PRKN: variants seen among roughly 807,000 people sequenced by gnomAD.
PRKN encodes the protein E3 ubiquitin-protein ligase parkin.
Under a neutral mutation model 59.5 loss-of-function variants are expected in PRKN, and 56 were observed. That is an observed-to-expected ratio of 0.94 (90% CI 0.76 to 1.18). The LOEUF (loss-of-function observed/expected upper bound fraction) is 1.18, where lower values mean the gene tolerates loss of function less well. Among genes scored for constraint, PRKN ranks in the 50% most tolerant of loss-of-function variants. PRKN has a pLI of 0.00. For synonymous variants in PRKN, 250 were observed against 222.1 expected (o/e 1.13, Z -1.12); for missense variants, 657 against 596.4 (o/e 1.10, Z -1.06).
intron 1 of PRKN, among the ~76,000 whole-genome samples, chr6:162,714,857 T>C (rs2128239353): frequency 6.6e-6 from 1 of 152,298 alleles, no homozygotes; most frequent in Non-Finnish European, 1.5e-5. Context: ...GAGTAACCAC[T>C]TTTAAAAATC....
intron 6 of PRKN, among the ~76,000 whole-genome samples, chr6:161,824,616 C>T (rs1792165418): frequency 6.6e-6 from 1 of 152,162 alleles, no homozygotes; most frequent in Non-Finnish European, 1.5e-5. Context: ...AAATAGTACA[C>T]AAATTGCCAC....
intron 6 of PRKN, among the ~76,000 whole-genome samples, chr6:161,874,287 T>TATAAAA (rs796579223): frequency 1.9e-4 from 3 of 16,186 alleles, no homozygotes; most frequent in Non-Finnish European, 2.4e-4. Context: ...ATATTATATA[T>TATAAAA]TATATATTAC....
intron 9 of PRKN, among the ~76,000 whole-genome samples, chr6:161,521,062 C>T (rs951619283): frequency 3.3e-5 from 5 of 152,086 alleles, no homozygotes; most frequent in Admixed American, 1.3e-4. Flanking sequence ...TTATTAATCC[C>T]GGGTCTTAAA....
intron 2 of PRKN, among the ~76,000 whole-genome samples, chr6:162,380,396 G>A (rs1160901310): frequency 2.7e-5 from 2 of 74,406 alleles, no homozygotes; most frequent in African/African-American, 1.6e-4. Context: ...ATAGTTTAAA[G>A]CTATATATAT....
At chr6:161,874,949 G>T (rs140942082) in intron 6 of PRKN, among the ~76,000 whole-genome samples, 19,782 of 79,824 alleles carry the variant, frequency 0.25, 2,631 homozygotes, top group African/African-American at 0.41. Flanking sequence ...ATATATTATA[G>T]GTACTTTATA....
chr6:161,500,298 G>A (rs946495592), intron 9 of PRKN, among the ~76,000 whole-genome samples: 4 of 152,000 alleles, frequency 2.6e-5, no homozygotes, highest in Admixed American at 2.0e-4. Context: ...AATGCAAAAT[G>A]TACATTGACA....
chr6:161,831,953 C>G (rs1562323971), intron 6 of PRKN, among the ~76,000 whole-genome samples: 2 of 152,210 alleles, frequency 1.3e-5, no homozygotes, highest in African/African-American at 4.8e-5. Flanking sequence ...CCTCTTGGGA[C>G]TCCCTCAGGA....
chr6:161,383,501 T>C (rs1327226383), intron 10 of PRKN, among the ~76,000 whole-genome samples: 1 of 152,170 alleles, frequency 6.6e-6, no homozygotes, highest in African/African-American at 2.4e-5. Context: ...TGGGAGACAT[T>C]AGCAAGAGAT....
intron 2 of PRKN, among the ~76,000 whole-genome samples, chr6:162,294,082 G>A (rs1385437436): frequency 6.7e-6 from 1 of 150,056 alleles, no homozygotes; most frequent in African/African-American, 2.5e-5. Flanking sequence ...GAGATCAGAA[G>A]GGGCCATGCA....
chr6:161,664,656 A>AT (rs1413109697), intron 7 of PRKN, among the ~76,000 whole-genome samples: 15 of 152,164 alleles, frequency 9.9e-5, no homozygotes, highest in Admixed American at 9.2e-4. Flanking sequence ...TGGCAGATGG[A>AT]TTTTTTTCCA....
intron 1 of PRKN, among the ~76,000 whole-genome samples, chr6:162,476,756 C>A (rs1792040915): frequency 6.6e-6 from 1 of 152,146 alleles, no homozygotes; most frequent in South Asian, 2.1e-4. Flanking sequence ...ATTCTATCGT[C>A]ATCATTCATG....
intron 1 of PRKN, among the ~76,000 whole-genome samples, chr6:162,678,838 G>A (rs561360857): frequency 2.7e-3 from 406 of 152,204 alleles, no homozygotes; most frequent in African/African-American, 9.2e-3. Flanking sequence ...GCAGTGGTGC[G>A]ATCTTGGCTC....
At chr6:162,187,520 C>G (rs556453452) in intron 4 of PRKN, among the ~76,000 whole-genome samples, 2 of 152,190 alleles carry the variant, frequency 1.3e-5, no homozygotes, top group East Asian at 3.9e-4. Context: ...AGGATGCCCC[C>G]CACCCCAATA....
intron 4 of PRKN, among the ~76,000 whole-genome samples, chr6:162,084,216 A>T (rs112372215): frequency 1.8e-4 from 28 of 152,300 alleles, no homozygotes; most frequent in African/African-American, 6.5e-4. Flanking sequence ...CATTAAAAGC[A>T]ATAGCAAAAC....
intron 1 of PRKN, among the ~76,000 whole-genome samples, chr6:162,673,526 C>T (rs1047685672): frequency 6.6e-6 from 1 of 152,172 alleles, no homozygotes; most frequent in African/African-American, 2.4e-5. Context: ...GTTGGAACTA[C>T]AGGCGCACAC....
chr6:161,989,207 A>G (rs1781551131), intron 5 of PRKN, among the ~76,000 whole-genome samples: 1 of 152,244 alleles, frequency 6.6e-6, no homozygotes, highest in Non-Finnish European at 1.5e-5. Context: ...TGTGAAGATT[A>G]TGATATCCTG....
intron 1 of PRKN, among the ~76,000 whole-genome samples, chr6:162,634,600 G>A (rs551203520): frequency 1.3e-5 from 2 of 152,286 alleles, no homozygotes; most frequent in East Asian, 3.9e-4. Flanking sequence ...TGGCTGACAC[G>A]AGAAGAGTGA....
chr6:162,188,113 A>G (rs1258723726), intron 4 of PRKN, among the ~76,000 whole-genome samples: 3 of 152,138 alleles, frequency 2.0e-5, no homozygotes, highest in Non-Finnish European at 2.9e-5. Context: ...GTAAGACATG[A>G]CTTGCTCCTT....
At chr6:162,360,192 T>C (rs773083235) in intron 2 of PRKN, among the ~76,000 whole-genome samples, 3 of 152,118 alleles carry the variant, frequency 2.0e-5, no homozygotes, top group Non-Finnish European at 2.9e-5. Context: ...CCTTTAAAAA[T>C]AACACAAACA....
Sources: gnomAD v4.1 joint callset for allele counts (sites outside exome capture counted in the v4.1 genomes callset) on GRCh38, gnomAD v4.1.1 for gene constraint, MANE v1.5 for transcripts, NCBI Gene and HGNC (gene_info 2026-07-23, HGNC 2026-07-21) for gene names.